The following CPA3 variants were observed in gnomAD, a reference collection of about 807,000 sequenced individuals.
The protein encoded by CPA3 is carboxypeptidase A3, also known as mast cell carboxypeptidase A.
Under a neutral mutation model 55.8 loss-of-function variants are expected in CPA3, and 52 were observed. The observed-to-expected ratio is 0.93, with a 90% confidence interval of 0.75 to 1.17. The LOEUF is 1.17. CPA3 is among the 50% of genes most tolerant of loss of function. The probability of loss-of-function intolerance (pLI) is 0.00; values close to 1 mark genes in which losing one functional copy is unlikely to be tolerated. For synonymous variants in CPA3, 179 were observed against 171.2 expected, an observed-to-expected ratio of 1.05 and a Z score of -0.36; for missense variants, 547 against 509.1, an observed-to-expected ratio of 1.07 and a Z score of -0.72.
At chr3:148,877,722 T>G (rs950473562) in intron 3 of CPA3, among the ~76,000 whole-genome samples, 1 of 152,196 alleles carries the variant, frequency 6.6e-6, no homozygotes, top group Non-Finnish European at 1.5e-5. Context: ...AATGTGAAGA[T>G]TAAATGAATT....
intron 6 of CPA3, among the ~76,000 whole-genome samples, chr3:148,881,083 T>G (rs1238285507): frequency 6.6e-6 from 1 of 152,236 alleles, no homozygotes; most frequent in Non-Finnish European, 1.5e-5. Flanking sequence ...TAATACAATT[T>G]TTTATTTAAT....
chr3:148,892,988 T>C (rs1210617431), intron 10 of CPA3, among the ~76,000 whole-genome samples: 1 of 152,090 alleles, frequency 6.6e-6, no homozygotes, highest in African/African-American at 2.4e-5. Flanking sequence ...TTGTCATCAG[T>C]ATCACAAGAC....
intron 10 of CPA3, among the ~76,000 whole-genome samples, chr3:148,887,936 G>A (rs950505266): frequency 1.3e-5 from 2 of 152,118 alleles, no homozygotes; most frequent in African/African-American, 4.8e-5. Flanking sequence ...CAACAGTACT[G>A]GACTTGATTA....
At chr3:148,883,896 G>T (rs376798892) in intron 9 of CPA3, 81 bp downstream of exon 9, 1 of 1,042,492 alleles carries the variant, frequency 9.6e-7, no homozygotes. Context: ...TGGGTATGTT[G>T]AAAGAATTTC....
chr3:148,874,824 A>G (rs766286545), intron 3 of CPA3, among the ~76,000 whole-genome samples: 1 of 152,230 alleles, frequency 6.6e-6, no homozygotes, highest in Non-Finnish European at 1.5e-5. Context: ...TGAAGAAATC[A>G]AAGAGTCAAA....
intron 3 of CPA3, among the ~76,000 whole-genome samples, chr3:148,869,588 C>G (rs1370883696): frequency 6.6e-6 from 1 of 151,922 alleles, no homozygotes; most frequent in Non-Finnish European, 1.5e-5. Context: ...AGAGAAAGCA[C>G]AAGCAGAGCA....
At chr3:148,894,917 C>T (rs1336590413) in intron 10 of CPA3, among the ~76,000 whole-genome samples, 1 of 152,134 alleles carries the variant, frequency 6.6e-6, no homozygotes, top group African/African-American at 2.4e-5. Flanking sequence ...TTTCCCATCC[C>T]AATGCTCTCT....
At chr3:148,885,612 A>C (rs1160353542) in intron 9 of CPA3, among the ~76,000 whole-genome samples, 1 of 151,774 alleles carries the variant, frequency 6.6e-6, no homozygotes, top group South Asian at 2.1e-4. Flanking sequence ...GGGTTTCACC[A>C]TGCTAGCCAG....
chr3:148,875,063 G>A (rs1576580663), intron 3 of CPA3, among the ~76,000 whole-genome samples: 1 of 152,120 alleles, frequency 6.6e-6, no homozygotes, highest in African/African-American at 2.4e-5. Context: ...TCACATGTTC[G>A]TATTATGTAG....
chr3:148,888,805 C>T (rs565814675), intron 10 of CPA3, among the ~76,000 whole-genome samples: 22 of 152,326 alleles, frequency 1.4e-4, no homozygotes, highest in Admixed American at 1.2e-3. Context: ...CTGTGCATAG[C>T]ATTGCATTAA....
At chr3:148,886,926 A>G (rs1035114955) in intron 10 of CPA3, among the ~76,000 whole-genome samples, 1 of 152,184 alleles carries the variant, frequency 6.6e-6, no homozygotes, top group Non-Finnish European at 1.5e-5. Context: ...TGTTCAGCCG[A>G]AATCTGTATG....
chr3:148,884,027 A>G (rs909873065), intron 9 of CPA3, among the ~76,000 whole-genome samples: 2 of 152,194 alleles, frequency 1.3e-5, no homozygotes, highest in Admixed American at 1.3e-4. Flanking sequence ...TGTGATTCTC[A>G]GGAGGAAAAA....
chr3:148,878,254 A>C, intron 3 of CPA3, among the ~76,000 whole-genome samples, 187 bp from the exon 4 acceptor site: 1 of 152,304 alleles, frequency 6.6e-6, no homozygotes, highest in East Asian at 1.9e-4. Flanking sequence ...AGCTCTAGAT[A>C]AATGGGGAGA....
At chr3:148,880,758 C>A (rs541923749) in intron 6 of CPA3, among the ~76,000 whole-genome samples, 1 of 152,304 alleles carries the variant, frequency 6.6e-6, no homozygotes, top group Admixed American at 6.5e-5. Flanking sequence ...GCACATGGCA[C>A]AGTGGTGAAA....
chr3:148,870,444 A>G (rs1409633905), intron 3 of CPA3, among the ~76,000 whole-genome samples: 1 of 152,186 alleles, frequency 6.6e-6, no homozygotes. Context: ...AATATCTCAA[A>G]TAAACTCCAT....
chr3:148,887,164 G>T (rs1714552495), intron 10 of CPA3, among the ~76,000 whole-genome samples: 2 of 152,000 alleles, frequency 1.3e-5, no homozygotes, highest in Non-Finnish European at 2.9e-5. Context: ...TTGGCTTTGT[G>T]GAGGTACAGT....
intron 3 of CPA3, among the ~76,000 whole-genome samples, chr3:148,870,529 T>G (rs1714034542): frequency 6.6e-6 from 1 of 152,216 alleles, no homozygotes; most frequent in South Asian, 2.1e-4. Context: ...CATTCTATTA[T>G]TTGTGATGGT....
intron 10 of CPA3, among the ~76,000 whole-genome samples, chr3:148,894,253 A>G (rs1474072464): frequency 6.6e-6 from 1 of 152,178 alleles, no homozygotes; most frequent in Non-Finnish European, 1.5e-5. Context: ...TCTGAAAGGA[A>G]GTAAAGTTTC....
intron 10 of CPA3, among the ~76,000 whole-genome samples, chr3:148,892,046 A>ACTCTT (rs3836277): frequency 0.69 from 103,828 of 151,062 alleles, 35,873 homozygotes; most frequent in Middle Eastern, 0.76. Context: ...CCTGTTAATA[A>ACTCTT]CTTCTTGCCA....
Sources: allele counts gnomAD v4.1 joint callset (sites outside exome capture counted in the v4.1 genomes callset), GRCh38; gene constraint gnomAD v4.1.1; transcripts MANE v1.5; gene names NCBI Gene and HGNC (gene_info 2026-07-23, HGNC 2026-07-21).